ASIC2: variants seen among roughly 807,000 people sequenced by gnomAD.
ASIC2 encodes the protein acid sensing ion channel subunit 2.
In ASIC2, 25 loss-of-function variants were observed where a neutral mutation model predicts 57.3. The ratio of observed to expected loss-of-function variants is 0.44; its 90% confidence interval spans 0.32 to 0.61. ASIC2 has a LOEUF of 0.61. Ranked by LOEUF, ASIC2 falls within the 20% of genes least tolerant of loss-of-function variation. The pLI is 0.06. For synonymous variants in ASIC2, 319 were observed against 307.5 expected (o/e 1.04, Z -0.39); for missense variants, 641 against 738.1 (o/e 0.87, Z 1.52).
intron 1 of ASIC2, among the ~76,000 whole-genome samples, chr17:33,506,999 C>A (rs1426999616): frequency 6.6e-6 from 1 of 152,208 alleles, no homozygotes; most frequent in Non-Finnish European, 1.5e-5. Context: ...AGGATGTTAA[C>A]AGCCTGATTC....
chr17:33,596,445 G>A (rs1904980873), intron 1 of ASIC2, among the ~76,000 whole-genome samples: 1 of 152,118 alleles, frequency 6.6e-6, no homozygotes, highest in South Asian at 2.1e-4. Flanking sequence ...ATATAACGGG[G>A]GAGAAAAGGT....
At chr17:34,012,543 T>C (rs537092096) in intron 1 of ASIC2, among the ~76,000 whole-genome samples, 2 of 152,296 alleles carry the variant, frequency 1.3e-5, no homozygotes, top group East Asian at 3.9e-4. Flanking sequence ...TGTTGCCCCC[T>C]TTAGGGAGCT....
rs112698268 is a variant in ASIC2, at chr17:33,362,443, G to T, written c.556-250376C>A. ...CTAGAGGAGTGCCTGGGTACTGCCA[G>T]TCTGAAACCAGGAAGGTCAGGTCTG... On this transcript the variant is annotated intron_variant, in intron 1 of 9. Coordinates refer to the ASIC2 transcript ENST00000359872. Among the ~76,000 whole-genome samples the T allele has an allele frequency of 6.0e-4, 92 of 152,336 alleles. 1 individual carries two copies. The highest frequency in any genetic ancestry group is 2.0e-3 in the African/African-American group (85 of 41,570).
chr17:33,796,759 A>G (rs1273433231), intron 1 of ASIC2, among the ~76,000 whole-genome samples: 1 of 152,170 alleles, frequency 6.6e-6, no homozygotes, highest in Non-Finnish European at 1.5e-5. Context: ...GTGAGGGAAA[A>G]AGGTATTTCT....
In ASIC2 at chr17:33,128,602, G is replaced by C. The variant is rs560750302; in HGVS notation, c.709-16535C>G. On this transcript the variant is annotated intron_variant, in intron 1 of 9. Coordinates refer to ENST00000225823, the MANE Select transcript of ASIC2 (RefSeq NM_183377.2). The stretch of plus-strand genomic sequence containing the variant: ...CTCAGCTGACCTGTGGGGAGTTTTG[G>C]AGTGGGGGTGGCCCTTCAGAGCTGT... Among the ~76,000 whole-genome samples the C allele has an allele frequency of 4.6e-5, 7 of 152,336 alleles. No homozygotes were observed. The South Asian group carries it at 1.4e-3, about 32-fold the overall frequency.
rs959370078 is a variant in ASIC2 at position 33,862,432 on chromosome 17, TTA to T, written c.555+293544_555+293545del. ...TTTTATTTTAATTGACACATAATAA[TTA>T]TATATATTTATAGGGTATAGATGTG... On this transcript the variant is annotated intron_variant, in intron 1 of 9. Coordinates refer to the ASIC2 transcript ENST00000359872. Among the ~76,000 whole-genome samples the T allele has an allele frequency of 6.8e-4, 104 of 152,274 alleles. 1 individual carries two copies. Among genetic ancestry groups the T allele is most frequent in the African/African-American group, 2.5e-3 (103 of 41,542 alleles).
intron 1 of ASIC2, among the ~76,000 whole-genome samples, chr17:33,580,528 A>G (rs149246360): frequency 6.6e-6 from 1 of 152,292 alleles, no homozygotes; most frequent in African/African-American, 2.4e-5. Context: ...GGTCTGTTGC[A>G]CTAAAACCAA....
chr17:33,158,658 C>CT (rs2142036800), intron 1 of ASIC2, among the ~76,000 whole-genome samples: 1 of 152,358 alleles, frequency 6.6e-6, no homozygotes, highest in East Asian at 1.9e-4. Flanking sequence ...GCCAAACTGT[C>CT]TGAGTTCAAA....
In ASIC2 at chr17:34,030,060, A is replaced by T. The variant is rs145992565; in HGVS notation, c.555+125918T>A. ...CACACAATTGGCTCTTCCCTTCACA[A>T]CTACCCCCTACTACTAGTGTCCATT... On this transcript the variant is annotated intron_variant, in intron 1 of 9. Coordinates refer to the ASIC2 transcript ENST00000359872. Among the ~76,000 whole-genome samples the T allele has an allele frequency of 9.0e-3, 1,378 of 152,284 alleles. 19 individuals carry two copies. The highest frequency in any genetic ancestry group is 0.031 in the African/African-American group (1,285 of 41,562).
intron 1 of ASIC2, among the ~76,000 whole-genome samples, chr17:33,496,274 C>T (rs1913927939): frequency 6.6e-6 from 1 of 152,252 alleles, no homozygotes; most frequent in East Asian, 1.9e-4. Context: ...TCAATTTCTC[C>T]AAGCAGTTTT....
intron 7 of ASIC2, 122 bp from the exon 8 acceptor site, chr17:33,017,806 T>C: frequency 1.2e-6 from 1 of 838,264 alleles, no homozygotes; most frequent in South Asian, 1.7e-5. Flanking sequence ...CTGGGCCTTG[T>C]TGTGGGAGGT....
intron 1 of ASIC2, among the ~76,000 whole-genome samples, chr17:33,720,971 C>G (rs550818362): frequency 1.3e-5 from 2 of 152,268 alleles, no homozygotes; most frequent in African/African-American, 4.8e-5. Context: ...TGAAATGGAG[C>G]AAATACTGTC....
chr17:34,141,447 T>C (rs1003344197), intron 1 of ASIC2, among the ~76,000 whole-genome samples: 2 of 152,228 alleles, frequency 1.3e-5, no homozygotes, highest in Non-Finnish European at 2.9e-5. Context: ...TTTCAGAGCC[T>C]ACCATGTGTT....
At chr17:33,846,825 C>T (rs980151517) in intron 1 of ASIC2, among the ~76,000 whole-genome samples, 5 of 151,898 alleles carry the variant, frequency 3.3e-5, no homozygotes, top group African/African-American at 9.7e-5. Flanking sequence ...CCCGGGTTCA[C>T]GCCTTTCTCC....
intron 1 of ASIC2, among the ~76,000 whole-genome samples, chr17:34,098,094 C>T (rs1910611008): frequency 6.6e-6 from 1 of 152,124 alleles, no homozygotes; most frequent in Admixed American, 6.6e-5. Context: ...GGGTTTGGAG[C>T]TGAAGAAAAA....
At chr17:33,558,237 G>A (rs986907049) in intron 1 of ASIC2, among the ~76,000 whole-genome samples, 30 of 152,036 alleles carry the variant, frequency 2.0e-4, no homozygotes, top group South Asian at 1.0e-3. Context: ...CGACCCTGTG[G>A]GGCTGGACCC....
At chr17:33,675,883 T>C (rs1016662352) in intron 1 of ASIC2, among the ~76,000 whole-genome samples, 1 of 152,392 alleles carries the variant, frequency 6.6e-6, no homozygotes, top group Middle Eastern at 3.4e-3. Context: ...AGCCTCATTT[T>C]ATTGCACTTT....
At chr17:34,043,925 A>G (rs1217557186) in intron 1 of ASIC2, among the ~76,000 whole-genome samples, 1 of 152,188 alleles carries the variant, frequency 6.6e-6, no homozygotes, top group African/African-American at 2.4e-5. Flanking sequence ...GAAAGCAAAA[A>G]TGGGTCAAGT....
chr17:33,207,310 C>T (rs1446873954), intron 1 of ASIC2, among the ~76,000 whole-genome samples: 3 of 152,214 alleles, frequency 2.0e-5, no homozygotes, highest in African/African-American at 4.8e-5. Flanking sequence ...TTCTTATTCT[C>T]ATTTGACAGA....
Sources: allele counts gnomAD v4.1 joint callset (sites outside exome capture counted in the v4.1 genomes callset), GRCh38; gene constraint gnomAD v4.1.1; transcripts MANE v1.5; gene names NCBI Gene and HGNC (gene_info 2026-07-23, HGNC 2026-07-21).